Variants in GALNT13 observed in about 807,000 individuals in gnomAD.
The protein encoded by GALNT13 is polypeptide N-acetylgalactosaminyltransferase 13.
A neutral mutation model predicts 64.2 loss-of-function variants in GALNT13; 28 were observed. The observed-to-expected ratio is 0.44, with a 90% CI of 0.32 to 0.60. GALNT13 has a LOEUF of 0.60. GALNT13 is among the 20% of genes least tolerant of loss of function. The probability of loss-of-function intolerance (pLI) is 0.05; values close to 1 mark genes in which losing one functional copy is unlikely to be tolerated. For missense variants in GALNT13, 577 were observed against 669.8 expected (o/e 0.86, Z 1.53); for synonymous variants, 214 against 224.6 (o/e 0.95, Z 0.42).
intron 3 of GALNT13, among the ~76,000 whole-genome samples, chr2:153,994,155 A>G (rs1253823579): frequency 6.6e-6 from 1 of 152,118 alleles, no homozygotes; most frequent in Non-Finnish European, 1.5e-5. Flanking sequence ...TATGAGTGAG[A>G]ACATGCAGTG....
intron 3 of GALNT13, among the ~76,000 whole-genome samples, chr2:154,010,272 C>T (rs66498363): frequency 0.049 from 7,401 of 152,172 alleles, 242 homozygotes; most frequent in South Asian, 0.11. Context: ...TGCTTCAATG[C>T]CCAGTTTGTT....
the GALNT13 span, among the ~76,000 whole-genome samples, chr2:153,760,917 G>C: frequency 6.0e-4 from 91 of 152,192 alleles, no homozygotes; most frequent in African/African-American, 2.0e-3. Context: ...CCAACGTTGG[G>C]TGTATTATGT....
At chr2:153,147,959 C>A in the GALNT13 span, among the ~76,000 whole-genome samples, 1 of 151,726 alleles carries the variant, frequency 6.6e-6, no homozygotes, top group Non-Finnish European at 1.5e-5. Context: ...ATGCTTGAGT[C>A]GGAATTGTCT....
At chr2:153,235,427 A>G in the GALNT13 span, among the ~76,000 whole-genome samples, 2 of 152,186 alleles carry the variant, frequency 1.3e-5, no homozygotes, top group Non-Finnish European at 2.9e-5. Flanking sequence ...GGAGTCTTAC[A>G]TGATTCTTCA....
At position 154,229,134 on chromosome 2, in the gene GALNT13, AG is replaced by A. The variant is rs1445719114; in HGVS notation, c.312-12895del. Among the ~76,000 whole-genome samples the A allele has an allele frequency of 6.6e-5, 10 of 152,102 alleles. No homozygotes were observed. In the East Asian group the frequency reaches 1.9e-3, roughly 29 times the overall value. ...TCTGTTGCATTCTTGACCAAAAAAA[AG>A]AAAAAAAAATGCTTCTCTGAATGTA... On this transcript the variant is annotated intron_variant, in intron 4 of 12. Transcript: ENST00000392825.
At chr2:153,834,052 T>C in the GALNT13 span, among the ~76,000 whole-genome samples, 6 of 152,160 alleles carry the variant, frequency 3.9e-5, no homozygotes, top group Admixed American at 3.9e-4. Flanking sequence ...AATTTTGTTT[T>C]TATCATATTA....
intron 3 of GALNT13, among the ~76,000 whole-genome samples, chr2:153,996,271 T>C (rs1489817485): frequency 6.6e-6 from 1 of 152,190 alleles, no homozygotes; most frequent in East Asian, 1.9e-4. Flanking sequence ...CTATAATGGA[T>C]GTACTATTTT....
chr2:154,080,086 CATT>C (rs1558946578), intron 3 of GALNT13, among the ~76,000 whole-genome samples: 1 of 151,566 alleles, frequency 6.6e-6, no homozygotes, highest in Non-Finnish European at 1.5e-5. Context: ...AAAAACCCAA[CATT>C]GTTGTTAATA....
chr2:153,727,906 CA>C, the GALNT13 span, among the ~76,000 whole-genome samples: 1 of 152,142 alleles, frequency 6.6e-6, no homozygotes, highest in Non-Finnish European at 1.5e-5. Context: ...TCCCCTTACC[CA>C]CTGACAGGTC....
chr2:153,560,312 T>C, the GALNT13 span, among the ~76,000 whole-genome samples: 1 of 152,110 alleles, frequency 6.6e-6, no homozygotes, highest in Non-Finnish European at 1.5e-5. Flanking sequence ...TGTTTTATAT[T>C]TGAATGTAAA....
At chr2:154,152,925 T>G (rs1438165868) in intron 4 of GALNT13, among the ~76,000 whole-genome samples, 1 of 152,246 alleles carries the variant, frequency 6.6e-6, no homozygotes, top group Non-Finnish European at 1.5e-5. Context: ...CCTTCTTCTC[T>G]CAACTCATCA....
At chr2:153,768,245 A>G in the GALNT13 span, among the ~76,000 whole-genome samples, 3 of 152,216 alleles carry the variant, frequency 2.0e-5, no homozygotes, top group Admixed American at 2.0e-4. Flanking sequence ...CCATGCACAG[A>G]TGAAAAGAAC....
At chr2:153,251,127 A>G in the GALNT13 span, among the ~76,000 whole-genome samples, 2 of 152,228 alleles carry the variant, frequency 1.3e-5, no homozygotes, top group Non-Finnish European at 2.9e-5. Context: ...CTTATTTAGT[A>G]TAAAAATTTT....
intron 2 of GALNT13, among the ~76,000 whole-genome samples, chr2:153,933,568 T>G (rs1690682426): frequency 6.6e-6 from 1 of 152,150 alleles, no homozygotes; most frequent in Non-Finnish European, 1.5e-5. Context: ...TAAGTGGGGA[T>G]GTTTAGCCTC....
intron 9 of GALNT13, among the ~76,000 whole-genome samples, chr2:154,316,737 T>C (rs1694340531): frequency 1.3e-5 from 2 of 152,138 alleles, no homozygotes; most frequent in Non-Finnish European, 2.9e-5. Flanking sequence ...CAAGTCCCAG[T>C]GTGGGGGTCT....
the GALNT13 span, among the ~76,000 whole-genome samples, chr2:153,475,324 T>G: frequency 6.6e-6 from 1 of 152,214 alleles, no homozygotes; most frequent in Non-Finnish European, 1.5e-5. Context: ...GATCATAGAT[T>G]ACAAAGCTGT....
At chr2:154,227,789 C>T (rs1688701568) in intron 4 of GALNT13, among the ~76,000 whole-genome samples, 2 of 152,136 alleles carry the variant, frequency 1.3e-5, no homozygotes, top group Non-Finnish European at 2.9e-5. Context: ...TTTGCACCTG[C>T]AGTACTCACC....
the GALNT13 span, among the ~76,000 whole-genome samples, chr2:153,208,557 G>A: frequency 6.6e-6 from 1 of 151,908 alleles, no homozygotes; most frequent in Admixed American, 6.6e-5. Flanking sequence ...CTGGTTGATC[G>A]GCATTTAATG....
At chr2:153,671,427 C>A in the GALNT13 span, among the ~76,000 whole-genome samples, 3 of 152,122 alleles carry the variant, frequency 2.0e-5, no homozygotes, top group Admixed American at 2.0e-4. Flanking sequence ...ATTTTCAACC[C>A]AGAATTTCAG....
Sources: allele counts gnomAD v4.1 joint callset (sites outside exome capture counted in the v4.1 genomes callset), GRCh38; gene constraint gnomAD v4.1.1; transcripts MANE v1.5; gene names NCBI Gene and HGNC (gene_info 2026-07-23, HGNC 2026-07-21).